The following TDP1 variants were observed in gnomAD, a reference collection of about 807,000 sequenced individuals.
TDP1 encodes tyrosyl-DNA phosphodiesterase 1.
A neutral mutation model predicts 81.5 loss-of-function variants in TDP1; 64 were observed. That is an observed-to-expected ratio of 0.79 (90% CI 0.64 to 0.97). TDP1 has a LOEUF of 0.97. TDP1 is among the 50% of genes least tolerant of loss of function. TDP1 has a pLI of 0.00. For synonymous variants in TDP1, 256 were observed against 264.3 expected (o/e 0.97, Z 0.30); for missense variants, 723 against 743.8 (o/e 0.97, Z 0.33).
At chr14:89,986,871 C>T (rs1034932860) in intron 10 of TDP1, 6 of 152,182 alleles carry the variant, frequency 3.9e-5, no homozygotes, top group African/African-American at 9.7e-5. Context: ...TTAAACAAAA[C>T]GTCAGTCAGA....
intron 6 of TDP1, among the ~76,000 whole-genome samples, chr14:89,972,352 C>T (rs542976532): frequency 3.3e-5 from 5 of 152,176 alleles, no homozygotes; most frequent in South Asian, 2.1e-4. Flanking sequence ...CTCTCTATCA[C>T]GAGAACAGCA....
chr14:90,020,368 C>CTCCT (rs1885842062), intron 15 of TDP1, among the ~76,000 whole-genome samples: 2 of 146,242 alleles, frequency 1.4e-5, no homozygotes, highest in African/African-American at 5.3e-5. Context: ...CCCTCCCTCC[C>CTCCT]TCCCTCCCTT....
In TDP1 at chr14:89,998,408, ATATATATATATATATG is replaced by A. The variant is rs1223026199; in HGVS notation, c.1541+4929_1541+4944del. 3.8e-3 allele frequency among the ~76,000 whole-genome samples: 410 copies of A among 107,268 alleles called. 29 individuals carry two copies. Among genetic ancestry groups the A allele is most frequent in the African/African-American group, 0.018 (376 of 20,464 alleles). The allele number at this position is 107,268 out of a possible 152,430, so 70.4% of individuals were successfully genotyped here. A position where few individuals can be genotyped will look rare whatever the true frequency, so the allele number is the denominator to read the frequency against. ...TATATATATATATATATATATATATATATATATATATATATGTATGTATGTATGTATGTATATGTAT... is the reference window on the plus strand; with the variant it reads ...TATATATATATATATATATATATATATATGTATGTATGTATGTATATGTAT... On this transcript the variant is annotated intron_variant, in intron 14 of 16. Transcript: ENST00000335725.
At chr14:89,972,894 G>A (rs1893830140) in intron 6 of TDP1, among the ~76,000 whole-genome samples, 1 of 152,188 alleles carries the variant, frequency 6.6e-6, no homozygotes, top group Admixed American at 6.5e-5. Context: ...CAGAGACAGA[G>A]TGAATTACAT....
At chr14:89,975,860 T>A in intron 7 of TDP1, 45 bp downstream of exon 7, 1 of 1,516,516 alleles carries the variant, frequency 6.6e-7, no homozygotes, top group Non-Finnish European at 9.2e-7. Context: ...AGCATTGTCA[T>A]TTGTCCATTA....
At position 89,955,927 on chromosome 14, in the gene TDP1, G is replaced by GCCA. The variant is rs1891507908; in HGVS notation, c.-274_-273insCCA. ...ACTGCGCGCATGCGCGGCGGCCGCC[G>GCCA]AAGGGGCGGGATCCGAGGCAAGCGT... is the stretch of plus-strand genomic sequence containing the variant. On this transcript the variant is annotated 5_prime_UTR_variant, in exon 1 of 17. Transcript: ENST00000335725. 6.6e-6 allele frequency: 1 copy of GCCA among 152,342 alleles called. No individual in the cohort carries two copies. Among genetic ancestry groups the GCCA allele is most frequent in the Admixed American group, 6.5e-5 (1 of 15,286 alleles). The allele number at this position is 152,342 out of a possible 1,614,324, so 9.4% of individuals were successfully genotyped here. A position where few individuals can be genotyped will look rare whatever the true frequency, so the allele number is the denominator to read the frequency against.
intron 8 of TDP1, among the ~76,000 whole-genome samples, chr14:89,982,379 AG>A (rs1895079074): frequency 6.6e-6 from 1 of 152,208 alleles, no homozygotes; most frequent in African/African-American, 2.4e-5. Flanking sequence ...CTTCTAAGCC[AG>A]TTCTCCTGAG....
chr14:90,023,077 G>A (rs1596675435), intron 15 of TDP1: 1 of 706,122 alleles, frequency 1.4e-6, no homozygotes, highest in Non-Finnish European at 2.5e-6. Flanking sequence ...TTCGTTCTCT[G>A]GTAACGCATG....
intron 5 of TDP1, among the ~76,000 whole-genome samples, chr14:89,970,097 C>T (rs1349791030): frequency 1.3e-5 from 2 of 151,704 alleles, no homozygotes; most frequent in East Asian, 1.9e-4. Context: ...GGGATGGTCT[C>T]GATCTCCTGA....
chr14:89,965,547 T>C (rs1892843100), intron 3 of TDP1, among the ~76,000 whole-genome samples: 1 of 152,194 alleles, frequency 6.6e-6, no homozygotes, highest in Non-Finnish European at 1.5e-5. Context: ...GTGTACTTGC[T>C]CTCGTGGTAT....
chr14:89,962,835 G>GCACCACTC, intron 2 of TDP1: 1 of 830,270 alleles, frequency 1.2e-6, no homozygotes. Flanking sequence ...TTGAACCACT[G>GCACCACTC]CACCACTCCA....
intron 15 of TDP1, among the ~76,000 whole-genome samples, chr14:90,029,280 C>A (rs1886999457): frequency 6.6e-6 from 1 of 151,002 alleles, no homozygotes; most frequent in African/African-American, 2.5e-5. Flanking sequence ...TCACTGCAAC[C>A]TCCGCCTTCT....
At chr14:90,004,651 A>G (rs187361875) in intron 14 of TDP1, among the ~76,000 whole-genome samples, 1 of 152,310 alleles carries the variant, frequency 6.6e-6, no homozygotes, top group East Asian at 1.9e-4. Context: ...TTAGTTATAG[A>G]TGATGGACAA....
intron 7 of TDP1, among the ~76,000 whole-genome samples, chr14:89,977,046 A>G (rs969832944): frequency 1.3e-5 from 2 of 151,988 alleles, no homozygotes; most frequent in Admixed American, 1.3e-4. Flanking sequence ...TCCCAGCTAC[A>G]TGGGAGGCTG....
intron 14 of TDP1, among the ~76,000 whole-genome samples, chr14:90,010,246 C>T (rs959781426): frequency 3.9e-5 from 6 of 152,226 alleles, no homozygotes; most frequent in African/African-American, 1.4e-4. Flanking sequence ...CCTTGGATAA[C>T]TTCCTTCCTC....
At chr14:90,042,370 C>G (rs1313743916) in intron 16 of TDP1, among the ~76,000 whole-genome samples, 1 of 152,128 alleles carries the variant, frequency 6.6e-6, no homozygotes, top group Non-Finnish European at 1.5e-5. Context: ...TTTTCTCAGT[C>G]CTCGTGACAG....
At chr14:90,013,549 A>C (rs1337911658) in intron 14 of TDP1, among the ~76,000 whole-genome samples, 5 of 152,214 alleles carry the variant, frequency 3.3e-5, no homozygotes, top group Non-Finnish European at 7.3e-5. Context: ...GCCATGTGCA[A>C]CTGTGAGCCC....
intron 6 of TDP1, among the ~76,000 whole-genome samples, chr14:89,973,127 A>G (rs907921562): frequency 6.6e-6 from 1 of 152,208 alleles, no homozygotes; most frequent in Non-Finnish European, 1.5e-5. Context: ...TAGAGTTGTC[A>G]TTTTAAAAAT....
chr14:89,982,038 C>T (rs1214464243), intron 8 of TDP1, among the ~76,000 whole-genome samples: 1 of 152,068 alleles, frequency 6.6e-6, no homozygotes, highest in Non-Finnish European at 1.5e-5. Flanking sequence ...GAGTGCACTG[C>T]GCAGGACAAA....
Sources: gnomAD v4.1 joint callset for allele counts (sites outside exome capture counted in the v4.1 genomes callset) on GRCh38, gnomAD v4.1.1 for gene constraint, MANE v1.5 for transcripts, NCBI Gene and HGNC (gene_info 2026-07-23, HGNC 2026-07-21) for gene names.